The following IKZF4 variants were observed in gnomAD, a reference collection of about 807,000 sequenced individuals.
IKZF4 encodes IKAROS family zinc finger 4.
IKZF4 carries 11 observed loss-of-function variants against 47.7 expected under a neutral mutation model. That is an observed-to-expected ratio of 0.23 (90% CI 0.15 to 0.38). The LOEUF (loss-of-function observed/expected upper bound fraction) is 0.38, where lower values mean the gene tolerates loss of function less well. Among genes scored for constraint, IKZF4 ranks in the 10% least tolerant of loss-of-function variants. The pLI is 1.00. For synonymous variants in IKZF4, 298 were observed against 299.4 expected, an observed-to-expected ratio of 1.00 and a Z score of 0.05; for missense variants, 557 against 784.9, an observed-to-expected ratio of 0.71 and a Z score of 3.47.
intron 4 of IKZF4, among the ~76,000 whole-genome samples, chr12:56,027,361 TA>T (rs1894199138): frequency 6.6e-6 from 1 of 151,744 alleles, no homozygotes; most frequent in African/African-American, 2.4e-5. Context: ...AATGGTCCAA[TA>T]GGGGTAAGAC....
upstream of IKZF4, among the ~76,000 whole-genome samples, chr12:56,020,117 G>A (rs1892653198): frequency 6.6e-6 from 1 of 152,256 alleles, no homozygotes; most frequent in Non-Finnish European, 1.5e-5. Context: ...GCACACTGCG[G>A]GCCTCCACAG....
chr12:56,024,451 T>C (rs1338668964), intron 2 of IKZF4, among the ~76,000 whole-genome samples: 1 of 152,192 alleles, frequency 6.6e-6, no homozygotes, highest in African/African-American at 2.4e-5. Flanking sequence ...TAACATAACC[T>C]CTTTTGTACC....
chr12:56,034,369 A>G (rs183795192), intron 7 of IKZF4, among the ~76,000 whole-genome samples: 65 of 152,318 alleles, frequency 4.3e-4, no homozygotes, highest in African/African-American at 1.5e-3. Context: ...TTAAAAATCA[A>G]TGGGCTGGGA....
chr12:56,027,296 G>C (rs1001159995), intron 4 of IKZF4, among the ~76,000 whole-genome samples: 1 of 152,128 alleles, frequency 6.6e-6, no homozygotes, highest in African/African-American at 2.4e-5. Flanking sequence ...TAAAGAAAAG[G>C]TGATATTTTT....
chr12:56,021,729 T>C, intron 1 of IKZF4, 149 bp downstream of exon 1: 1 of 1,156,230 alleles, frequency 8.6e-7, no homozygotes, highest in Non-Finnish European at 1.2e-6. Context: ...TGTGTGTGTG[T>C]GTAGCGGGGG....
In IKZF4 at chr12:56,021,113, T is replaced by C; in HGVS notation, c.-381T>C. ...CTGCTGGGCACGAGGGGCAACAGCA[T>C]CTGCCTTTCCCTCCCTGTGCACACA... On this transcript the variant is annotated 5_prime_UTR_variant, in exon 1 of 8. Transcript: ENST00000547167. 1 of 1,365,046 alleles carries C rather than the reference T, an allele frequency of 7.3e-7. No individual in the cohort carries two copies. The highest frequency in any genetic ancestry group is 9.4e-7 in the Non-Finnish European group (1 of 1,058,984). The allele number at this position is 1,365,046 out of a possible 1,614,324, so 84.6% of individuals were successfully genotyped here.
rs1285469351 is a variant in IKZF4, at chr12:56,034,842, G to A, written c.1269G>A (p.Glu423=). 1.9e-6 allele frequency: 3 copies of A among 1,613,474 alleles called. No homozygotes were observed. Among genetic ancestry groups the A allele is most frequent in the Non-Finnish European group, 2.5e-6 (3 of 1,179,704 alleles). Residue 423 remains glutamate (E), a synonymous_variant, in exon 8 of 8, where the codon GAG becomes GAA. Coordinates refer to ENST00000547167, the MANE Select transcript of IKZF4 (RefSeq NM_022465.4). ...TTCCAGGATCCCGAGAAGCAGGTGA[G>A]GGACCTGAGGACCTGGCTGATGGAG... is the stretch of plus-strand genomic sequence containing the variant. The part of the protein sequence containing the change: ...LELPGSREAG[E]GPEDLADGGP...
At chr12:56,023,045 C>G (rs971145843) in intron 1 of IKZF4, among the ~76,000 whole-genome samples, 7 of 152,140 alleles carry the variant, frequency 4.6e-5, no homozygotes, top group Non-Finnish European at 2.9e-5. Flanking sequence ...GTGATCCGCC[C>G]GCCTCGGCCT....
intron 1 of IKZF4, among the ~76,000 whole-genome samples, 161 bp from the exon 2 acceptor site, chr12:56,023,510 G>C (rs1011860372): frequency 6.6e-6 from 1 of 152,164 alleles, no homozygotes; most frequent in African/African-American, 2.4e-5. Flanking sequence ...GCCCCAGCTG[G>C]GAAAACTCAG....
rs182942306 is a variant in IKZF4, at chr12:56,035,327, G to C, written c.1754G>C (p.Gly585Ala). The change falls in exon 8 of 8, where the codon GGC (glycine) becomes GCC (alanine). Residue 585 changes from glycine (G) to alanine (A), a missense_variant. Coordinates refer to ENST00000547167, the MANE Select transcript of IKZF4 (RefSeq NM_022465.4). The surrounding 1 kb of genome is among the most constrained non-coding windows in gnomAD (Gnocchi z 6.1). ...ATTGTCCGGGGGGAGCATAAGGTGG[G>C]CTAGCAACCTCTCCCTCTCTCCTCA... ...SHIVRGEHKV[G>A] 99 of 1,606,484 alleles carry C rather than the reference G, an allele frequency of 6.2e-5. No homozygotes were observed. Among genetic ancestry groups the C allele is most frequent in the South Asian group, 1.1e-5 (1 of 89,742 alleles).
chr12:56,021,336 G>A lies in IKZF4; in HGVS notation c.-158G>A. The A allele has an allele frequency of 1.3e-6, 2 of 1,512,728 alleles. No individual in the cohort carries two copies. The highest frequency in any genetic ancestry group is 8.8e-7 in the Non-Finnish European group (1 of 1,136,014). 93.7% of individuals were successfully genotyped at this position (1,512,728 alleles called of 1,614,324 possible). ...CACACACTCAACACACATACACCCT[G>A]GGCTGAGCTGCTCTTGCTGGCTGCA... On this transcript the variant is annotated 5_prime_UTR_variant, in exon 1 of 8. Coordinates refer to ENST00000547167, the MANE Select transcript of IKZF4 (RefSeq NM_022465.4).
chr12:56,027,710 G>C, intron 4 of IKZF4, 70 bp from the exon 5 acceptor site: 11 of 1,510,184 alleles, frequency 7.3e-6, no homozygotes, highest in Non-Finnish European at 1.0e-5. Context: ...TAGGGCAGAG[G>C]GTGGGTGATA....
upstream of IKZF4, among the ~76,000 whole-genome samples, chr12:56,016,305 C>A (rs972613675): frequency 3.3e-5 from 5 of 152,096 alleles, no homozygotes; most frequent in African/African-American, 1.2e-4. Context: ...TCAAAAAGAC[C>A]AAGAATCCCC....
At chr12:56,025,210 T>C in intron 3 of IKZF4, 52 bp downstream of exon 3, 1 of 1,474,316 alleles carries the variant, frequency 6.8e-7, no homozygotes, top group Admixed American at 2.7e-5. Context: ...CTGTTGCATT[T>C]GGCCTTCAAT....
At chr12:56,015,960 G>A (rs1247226448) in intron 2 of IKZF4, among the ~76,000 whole-genome samples, 2 of 152,146 alleles carry the variant, frequency 1.3e-5, no homozygotes, top group African/African-American at 2.4e-5. Flanking sequence ...TCCATCCCAG[G>A]AAGGATGTCA....
chr12:56,024,808 C>T, intron 2 of IKZF4: 9 of 1,353,060 alleles, frequency 6.7e-6, no homozygotes, highest in Non-Finnish European at 8.6e-6. Flanking sequence ...GGCAGTGATG[C>T]TCTTGCCCTC....
Position 56,025,174 on chromosome 12 carries a change from T to A in IKZF4, c.286+16T>A, listed in dbSNP as rs182465967. On this transcript the variant is annotated intron_variant, in intron 3 of 7. Coordinates refer to ENST00000547167, the MANE Select transcript of IKZF4 (RefSeq NM_022465.4). ...TCACTCAGTGGTAAGTGTAACCTCC[T>A]ACCACCTCCTGGCAGTAGGCACCCC... 27 of 1,538,946 alleles carry A rather than the reference T, an allele frequency of 1.8e-5. No homozygotes were observed. In the East Asian group the frequency reaches 5.9e-4, roughly 33 times the overall value.
intron 1 of IKZF4, among the ~76,000 whole-genome samples, chr12:56,022,924 C>T (rs914520821): frequency 5.9e-5 from 9 of 151,976 alleles, no homozygotes; most frequent in Admixed American, 2.0e-4. Flanking sequence ...CTCAGCCTCC[C>T]GAGTAGCTGG....
In IKZF4 at chr12:56,036,535, G is replaced by A. The variant is rs183513465; in HGVS notation, c.*1204G>A. 1.3e-5 allele frequency: 2 copies of A among 152,266 alleles called. No homozygotes were observed. Among genetic ancestry groups the A allele is most frequent in the East Asian group, 1.9e-4 (1 of 5,182 alleles). The allele number at this position is 152,266 out of a possible 1,614,324, so 9.4% of individuals were successfully genotyped here. ...CTTAGGATCAGTGGCAGGGAGAAAC[G>A]GGTATCTCTTTTCTCTCTTCTAATT... On this transcript the variant is annotated 3_prime_UTR_variant, in exon 8 of 8. Transcript: ENST00000547167.
Sources: allele counts gnomAD v4.1 joint callset (sites outside exome capture counted in the v4.1 genomes callset), GRCh38; gene constraint gnomAD v4.1.1; non-coding constraint Gnocchi (gnomAD v3.1); transcripts MANE v1.5; gene names NCBI Gene and HGNC (gene_info 2026-07-23, HGNC 2026-07-21).